PIBF1: variants seen among roughly 807,000 people sequenced by gnomAD.
PIBF1 encodes the protein progesterone-induced-blocking factor 1.
In PIBF1, 90 loss-of-function variants were observed where a neutral mutation model predicts 112.5. That is an observed-to-expected ratio of 0.80 (90% confidence interval 0.67 to 0.95). The LOEUF is 0.95. Among genes scored for constraint, PIBF1 ranks in the 40% least tolerant of loss-of-function variants. PIBF1 has a pLI of 0.00. For synonymous variants in PIBF1, 301 were observed against 288.6 expected (o/e 1.04, Z -0.44); for missense variants, 915 against 852.3 (o/e 1.07, Z -0.92).
intron 11 of PIBF1, among the ~76,000 whole-genome samples, chr13:72,900,886 G>A (rs1477489075): frequency 6.6e-6 from 1 of 152,228 alleles, no homozygotes; most frequent in Non-Finnish European, 1.5e-5. Context: ...GCCAGGTGTG[G>A]TGGTGCATGC....
chr13:72,799,954 A>G (rs1038270743), intron 5 of PIBF1, among the ~76,000 whole-genome samples: 4 of 152,206 alleles, frequency 2.6e-5, no homozygotes, highest in Admixed American at 6.5e-5. Flanking sequence ...TGCCCTGTCA[A>G]GGACCTGGTA....
intron 11 of PIBF1, among the ~76,000 whole-genome samples, chr13:72,899,698 G>A (rs2040413159): frequency 6.6e-6 from 1 of 152,054 alleles, no homozygotes; most frequent in Non-Finnish European, 1.5e-5. Flanking sequence ...CTGAAACAAG[G>A]CAAGGATGCC....
intron 16 of PIBF1, among the ~76,000 whole-genome samples, chr13:72,990,946 CAG>C (rs2043460900): frequency 1.3e-5 from 2 of 152,190 alleles, no homozygotes; most frequent in African/African-American, 4.8e-5. Context: ...GAGAGATGCA[CAG>C]AGTTATATGA....
intron 10 of PIBF1, among the ~76,000 whole-genome samples, chr13:72,860,323 G>A (rs894798627): frequency 2.0e-5 from 3 of 150,232 alleles, no homozygotes; most frequent in African/African-American, 7.4e-5. Flanking sequence ...GTGTGTGTGT[G>A]TGTGTGTGTG....
intron 10 of PIBF1, among the ~76,000 whole-genome samples, chr13:72,866,034 T>C (rs1181137333): frequency 6.6e-6 from 1 of 152,202 alleles, no homozygotes; most frequent in Non-Finnish European, 1.5e-5. Flanking sequence ...GGGGTAATCC[T>C]TTGCTTGCTT....
At chr13:72,915,992 A>T (rs1488657277) in intron 12 of PIBF1, among the ~76,000 whole-genome samples, 1 of 152,218 alleles carries the variant, frequency 6.6e-6, no homozygotes, top group Non-Finnish European at 1.5e-5. Context: ...AAATAATATT[A>T]TGAAAGTTTT....
chr13:72,872,960 G>A (rs2039228080), intron 10 of PIBF1, among the ~76,000 whole-genome samples: 1 of 152,102 alleles, frequency 6.6e-6, no homozygotes, highest in Non-Finnish European at 1.5e-5. Flanking sequence ...TAAATAAGTG[G>A]AGTAAGATAT....
chr13:72,820,102 A>C (rs573504728), intron 5 of PIBF1, among the ~76,000 whole-genome samples: 1 of 152,262 alleles, frequency 6.6e-6, no homozygotes, highest in East Asian at 1.9e-4. Context: ...TTTATAGTTA[A>C]TCAGCATTTA....
At chr13:72,986,742 C>T (rs1021820206) in intron 16 of PIBF1, among the ~76,000 whole-genome samples, 7 of 138,706 alleles carry the variant, frequency 5.0e-5, no homozygotes, top group Non-Finnish European at 9.1e-5. Flanking sequence ...GGACTGCGGA[C>T]TGCAGTGGCG....
chr13:72,848,817 G>T (rs920369499), intron 9 of PIBF1, among the ~76,000 whole-genome samples: 1 of 149,444 alleles, frequency 6.7e-6, no homozygotes, highest in Non-Finnish European at 1.5e-5. Context: ...GGGTGACAGA[G>T]TGAGACTCCG....
intron 13 of PIBF1, among the ~76,000 whole-genome samples, chr13:72,920,886 A>T (rs767284929): frequency 5.3e-5 from 8 of 152,210 alleles, no homozygotes; most frequent in Non-Finnish European, 8.8e-5. Context: ...AACTATATGC[A>T]AAATAAAGTT....
At chr13:72,817,211 A>G (rs914733659) in intron 5 of PIBF1, among the ~76,000 whole-genome samples, 3 of 152,160 alleles carry the variant, frequency 2.0e-5, no homozygotes, top group Admixed American at 6.6e-5. Context: ...TTTATTAAAG[A>G]TTTATTTTGA....
intron 17 of PIBF1, among the ~76,000 whole-genome samples, chr13:73,001,582 C>CTGTTTTTTTTTTTTTTTTTT: frequency 3.4e-5 from 1 of 29,160 alleles, no homozygotes; most frequent in Non-Finnish European, 7.5e-5. Flanking sequence ...AAGAGCTTGA[C>CTGTTTTTTTTTTTTTTTTTT]TTTTTTTTTT....
At chr13:72,810,340 G>T (rs1427705031) in intron 5 of PIBF1, among the ~76,000 whole-genome samples, 1 of 152,102 alleles carries the variant, frequency 6.6e-6, no homozygotes, top group South Asian at 2.1e-4. Flanking sequence ...TAGTGAATCT[G>T]CACTTAATAA....
chr13:72,831,141 T>A (rs374056376), intron 8 of PIBF1, among the ~76,000 whole-genome samples: 1 of 152,120 alleles, frequency 6.6e-6, no homozygotes, highest in Non-Finnish European at 1.5e-5. Flanking sequence ...ATTGTGTCTG[T>A]TTGGTTCTTC....
chr13:72,803,437 T>C (rs893057289), intron 5 of PIBF1, among the ~76,000 whole-genome samples: 2 of 152,128 alleles, frequency 1.3e-5, no homozygotes, highest in African/African-American at 4.8e-5. Flanking sequence ...CTCCCCACTT[T>C]AGTGCTATCC....
intron 9 of PIBF1, among the ~76,000 whole-genome samples, chr13:72,835,624 A>G (rs141053389): frequency 7.3e-5 from 11 of 151,648 alleles, no homozygotes; most frequent in African/African-American, 2.7e-4. Context: ...CTCTTTTTGC[A>G]TTTGCTTCAG....
chr13:72,821,638 G>A (rs1452540192), intron 5 of PIBF1, among the ~76,000 whole-genome samples: 2 of 152,128 alleles, frequency 1.3e-5, no homozygotes, highest in East Asian at 3.8e-4. Context: ...AACAGTTTAA[G>A]TTTTAAACAA....
chr13:72,878,258 A>G (rs1344893447), intron 10 of PIBF1, among the ~76,000 whole-genome samples: 4 of 151,044 alleles, frequency 2.6e-5, no homozygotes, highest in Non-Finnish European at 5.9e-5. Flanking sequence ...TAGATGATTG[A>G]TTTTAGATCT....
Sources: allele counts gnomAD v4.1 joint callset (sites outside exome capture counted in the v4.1 genomes callset), GRCh38; gene constraint gnomAD v4.1.1; transcripts MANE v1.5; gene names NCBI Gene and HGNC (gene_info 2026-07-23, HGNC 2026-07-21).